Variants in SH2D4A observed in about 807,000 individuals in gnomAD.
The protein encoded by SH2D4A is SH2 domain containing 4A, also known as SH2 domain-containing protein 4A.
Under a neutral mutation model 64.7 loss-of-function variants are expected in SH2D4A, and 70 were observed. The observed-to-expected ratio is 1.08, with a 90% CI of 0.89 to 1.32. The LOEUF is 1.32. Among genes scored for constraint, SH2D4A ranks in the 40% most tolerant of loss-of-function variants. The pLI, the probability that SH2D4A is intolerant of heterozygous loss-of-function variation, is 0.00. For synonymous variants in SH2D4A, 268 were observed against 200.7 expected (o/e 1.34, Z -2.83); for missense variants, 706 against 540.1 (o/e 1.31, Z -3.04).
chr8:19,373,617 G>A lies in SH2D4A; in HGVS notation c.1005G>A (p.Ala335=), dbSNP rs138440658. Residue 335 remains alanine (A), a synonymous_variant, in exon 8 of 10, where the codon GCG becomes GCA. Coordinates refer to ENST00000265807, the MANE Select transcript of SH2D4A (RefSeq NM_022071.4). ...AAGAGGAGCAGCTACCACTTCGAGCGGGCTACCAGAAAACCTCAGACACCA... is the reference window on the plus strand; with the variant it reads ...AAGAGGAGCAGCTACCACTTCGAGCAGGCTACCAGAAAACCTCAGACACCA... ...WFKEEQLPLR[A]GYQKTSDTIA... is the part of the protein sequence containing the mutation. The A allele has an allele frequency of 1.1e-4, 175 of 1,613,202 alleles. No individual in the cohort carries two copies. Among genetic ancestry groups the A allele is most frequent in the East Asian group, 7.4e-4 (33 of 44,818 alleles).
intron 5 of SH2D4A, 43 bp from the exon 6 acceptor site, chr8:19,361,159 TG>T (rs891628420): frequency 3.5e-5 from 43 of 1,238,974 alleles, no homozygotes; most frequent in Non-Finnish European, 4.8e-5. Context: ...GTTCTTTTTT[TG>T]TTTTGTTTTG....
rs544754386 is a variant in SH2D4A, at chr8:19,327,895, T to A, written c.182-5060T>A. ...GCCTGCCCCACTGGCGTCCCCAGAA[T>A]GAGTCTCTCTGAAGTCCGAGGCTGC... is the stretch of plus-strand genomic sequence containing the variant. On this transcript the variant is annotated intron_variant, in intron 2 of 9. Transcript: ENST00000265807. Among the ~76,000 whole-genome samples, 8 of 152,310 alleles carry A rather than the reference T, an allele frequency of 5.3e-5. No homozygotes were observed. The South Asian group carries it at 1.7e-3, about 32-fold the overall frequency.
intron 2 of SH2D4A, among the ~76,000 whole-genome samples, chr8:19,320,172 T>G (rs1280916891): frequency 1.3e-5 from 2 of 152,222 alleles, no homozygotes; most frequent in African/African-American, 4.8e-5. Context: ...ACACCTCCTG[T>G]TAAAATGTAA....
chr8:19,392,459 A>G (rs1915421), intron 8 of SH2D4A, among the ~76,000 whole-genome samples: 106,743 of 151,816 alleles, frequency 0.7, 38,659 homozygotes, highest in African/African-American at 0.82. Flanking sequence ...AACATCCCTG[A>G]CCTCTAACCC....
At chr8:19,376,309 C>T (rs1041156991) in intron 8 of SH2D4A, among the ~76,000 whole-genome samples, 1 of 152,150 alleles carries the variant, frequency 6.6e-6, no homozygotes, top group South Asian at 2.1e-4. Context: ...ATCTGCTTTA[C>T]TCCAAGTCCT....
chr8:19,387,683 G>A (rs2053413764), intron 8 of SH2D4A, among the ~76,000 whole-genome samples: 1 of 152,194 alleles, frequency 6.6e-6, no homozygotes, highest in African/African-American at 2.4e-5. Context: ...TGTCCCTGGG[G>A]CCACAGTGCC....
chr8:19,347,556 A>G (rs1396396093), intron 4 of SH2D4A, among the ~76,000 whole-genome samples: 1 of 152,124 alleles, frequency 6.6e-6, no homozygotes, highest in Non-Finnish European at 1.5e-5. Flanking sequence ...CTTATATGTA[A>G]TTTGCAGGCT....
At chr8:19,338,180 A>G (rs2052473226) in intron 4 of SH2D4A, among the ~76,000 whole-genome samples, 1 of 152,158 alleles carries the variant, frequency 6.6e-6, no homozygotes. Flanking sequence ...CCTAATTATT[A>G]AATAGTTATT....
intron 2 of SH2D4A, among the ~76,000 whole-genome samples, chr8:19,322,351 C>T (rs887833040): frequency 4.6e-5 from 7 of 152,174 alleles, no homozygotes; most frequent in African/African-American, 1.4e-4. Context: ...CTTCTCCCGC[C>T]TTTCTGGTTA....
At chr8:19,392,540 T>C (rs1253840369) in intron 8 of SH2D4A, among the ~76,000 whole-genome samples, 2 of 151,954 alleles carry the variant, frequency 1.3e-5, no homozygotes, top group Non-Finnish European at 1.5e-5. Flanking sequence ...ACCACTGTCC[T>C]AGACCAAGTC....
At position 19,373,554 on chromosome 8, in the gene SH2D4A, G is replaced by C. The variant is rs749179478; in HGVS notation, c.942G>C (p.Leu314=). The change falls in exon 8 of 10, where the codon CTG becomes CTC. Residue 314 remains leucine (L), a synonymous_variant. Coordinates refer to ENST00000265807, the MANE Select transcript of SH2D4A (RefSeq NM_022071.4). ...GAAATCAGGGAGTGGTGAGGACACTGTCCAGCTCTGCCCAAGAGGACATCA... is the reference window on the plus strand; with the variant it reads ...GAAATCAGGGAGTGGTGAGGACACTCTCCAGCTCTGCCCAAGAGGACATCA... ...PLRNQGVVRT[L]SSSAQEDIIR... 3.1e-6 allele frequency: 5 copies of C among 1,612,698 alleles called. No individual in the cohort carries two copies. The African/African-American group carries it at 5.4e-5, about 17-fold the overall frequency.
rs544787463 is a variant in SH2D4A at position 19,335,100 on chromosome 8, G to A, written c.513+243G>A. ...AGATCGAGACCATCCTGGCTAACAC[G>A]GTGAAACCCCGTGTCTACTAAAAAT... On this transcript the variant is annotated intron_variant, in intron 4 of 9. Coordinates refer to ENST00000265807, the MANE Select transcript of SH2D4A (RefSeq NM_022071.4). Among the ~76,000 whole-genome samples the A allele has an allele frequency of 5.3e-4, 80 of 152,034 alleles. 1 individual carries two copies. The highest frequency in any genetic ancestry group is 2.5e-3 in the East Asian group (13 of 5,156).
chr8:19,377,953 C>G (rs562724974), intron 8 of SH2D4A, among the ~76,000 whole-genome samples: 3 of 152,304 alleles, frequency 2.0e-5, no homozygotes, highest in African/African-American at 7.2e-5. Flanking sequence ...ATTTGTTTCC[C>G]TATGTACTTG....
At chr8:19,391,268 A>G (rs2053487977) in intron 8 of SH2D4A, among the ~76,000 whole-genome samples, 1 of 152,190 alleles carries the variant, frequency 6.6e-6, no homozygotes, top group Non-Finnish European at 1.5e-5. Context: ...AAGGGGAAAT[A>G]GACAAACAGA....
chr8:19,332,881 A>C, intron 2 of SH2D4A, 74 bp from the exon 3 acceptor site: 1 of 1,447,730 alleles, frequency 6.9e-7, no homozygotes, highest in Non-Finnish European at 9.4e-7. Context: ...AAAATACTTT[A>C]GTGATGGAAA....
chr8:19,337,753 C>T (rs546160146), intron 4 of SH2D4A, among the ~76,000 whole-genome samples: 190 of 152,288 alleles, frequency 1.2e-3, no homozygotes, highest in Non-Finnish European at 2.2e-3. Context: ...ACCATCAGAT[C>T]TCATGAGACC....
At chr8:19,332,827 T>A (rs544365675) in intron 2 of SH2D4A, 128 bp from the exon 3 acceptor site, 2 of 742,842 alleles carry the variant, frequency 2.7e-6, no homozygotes, top group Non-Finnish European at 4.0e-6. Flanking sequence ...CAGTTGGAAG[T>A]TCTTTGTCTC....
At chr8:19,353,086 A>C (rs1251635058) in intron 4 of SH2D4A, among the ~76,000 whole-genome samples, 1 of 152,192 alleles carries the variant, frequency 6.6e-6, no homozygotes, top group Non-Finnish European at 1.5e-5. Context: ...TTTGACACCT[A>C]ATATGAAGGT....
chr8:19,321,923 T>C (rs1166744241), intron 2 of SH2D4A, among the ~76,000 whole-genome samples: 2 of 152,198 alleles, frequency 1.3e-5, no homozygotes, highest in Admixed American at 1.3e-4. Flanking sequence ...TGCTTACATT[T>C]CTCGCTTGTA....
Sources: allele counts gnomAD v4.1 joint callset (sites outside exome capture counted in the v4.1 genomes callset), GRCh38; gene constraint gnomAD v4.1.1; transcripts MANE v1.5; gene names NCBI Gene and HGNC (gene_info 2026-07-23, HGNC 2026-07-21).